Variants in RPL24 observed in about 807,000 individuals in gnomAD.
RPL24 encodes ribosomal protein L24.
A neutral mutation model predicts 26.4 loss-of-function variants in RPL24; 7 were observed. The ratio of observed to expected loss-of-function variants is 0.27; its 90% confidence interval spans 0.15 to 0.50. RPL24 has a LOEUF of 0.50. Among genes scored for constraint, RPL24 ranks in the 20% least tolerant of loss-of-function variants. The pLI, the probability that RPL24 is intolerant of heterozygous loss-of-function variation, is 0.98. For missense variants in RPL24, 109 were observed against 194.9 expected (o/e 0.56, Z 2.62); for synonymous variants, 67 against 65.2 (o/e 1.03, Z -0.13).
chr3:101,686,617 G>A (rs773077250), intron 1 of RPL24, 55 bp downstream of exon 1: 1 of 1,614,046 alleles, frequency 6.2e-7, no homozygotes, highest in Admixed American at 1.7e-5. Context: ...AGGGACGACA[G>A]AGAGGAGTTC....
intron 2 of RPL24, 153 bp from the exon 3 acceptor site, chr3:101,686,081 G>A: frequency 1.7e-6 from 1 of 603,630 alleles, no homozygotes; most frequent in Non-Finnish European, 3.0e-6. Context: ...TCACATAACT[G>A]GCAGGTAACT....
Position 101,684,246 on chromosome 3 carries a change from C to G in RPL24, c.193-1339G>C, listed in dbSNP as rs540718664. 3.9e-5 allele frequency among the ~76,000 whole-genome samples: 6 copies of G among 151,908 alleles called. No individual in the cohort carries two copies. In the East Asian group the frequency reaches 1.2e-3, roughly 30 times the overall value. ...GTGGCACAATCCCAGCTCACTGCAACCCCCCACTTCCTGGGTTCAAGCTAT... is the reference window on the plus strand; with the variant it reads ...GTGGCACAATCCCAGCTCACTGCAAGCCCCCACTTCCTGGGTTCAAGCTAT... On this transcript the variant is annotated intron_variant, in intron 3 of 5. Coordinates refer to ENST00000394077, the MANE Select transcript of RPL24 (RefSeq NM_000986.4).
rs78870356 is a variant in RPL24, at chr3:101,684,778, A to C, written c.192+1040T>G. ...GAGCAACAGAGGACCTGTCTCCCCA[A>C]AAAAAAAAAAAAAAAAAAAAAAAAA... On this transcript the variant is annotated intron_variant, in intron 3 of 5. Coordinates refer to ENST00000394077, the MANE Select transcript of RPL24 (RefSeq NM_000986.4). Among the ~76,000 whole-genome samples the C allele has an allele frequency of 9.7e-3, 184 of 19,024 alleles. 2 individuals are homozygous for C. The highest frequency in any genetic ancestry group is 0.025 in the African/African-American group (145 of 5,792). The allele number at this position is 19,024 out of a possible 152,430, so 12.5% of individuals were successfully genotyped here. A position where few individuals can be genotyped will look rare whatever the true frequency, so the allele number is the denominator to read the frequency against.
rs1280139999 is a variant in RPL24, at chr3:101,682,473, T to C, written c.349A>G (p.Lys117Glu). ...QAIRAAKEAK[K>E]AKQASKKTAM... ...GTCTTTTTAGATGCTTGCTTAGCCT[T>C]TTTTGCTTCCTTAGCAGCCCTGTGG... Residue 117 changes from lysine to glutamate, a missense_variant, in exon 5 of 6, where the codon AAG (lysine) becomes GAG (glutamate). Transcript: ENST00000394077. 1 of 1,614,024 alleles carries C rather than the reference T, an allele frequency of 6.2e-7. No homozygotes were observed. Among genetic ancestry groups the C allele is most frequent in the African/African-American group, 1.3e-5 (1 of 75,050 alleles).
chr3:101,685,727 CTGATT>C lies in RPL24; in HGVS notation c.192+86_192+90del, dbSNP rs527699933. 3.1e-3 allele frequency: 2,058 copies of C among 665,544 alleles called. 29 individuals carry two copies. In the African/African-American group the frequency reaches 0.032, roughly 10 times the overall value. The allele number at this position is 665,544 out of a possible 1,614,324, so 41.2% of individuals were successfully genotyped here. On this transcript the variant is annotated intron_variant, in intron 3 of 5. Transcript: ENST00000394077. The stretch of plus-strand genomic sequence containing the variant: ...GTTTAAGAGCTCTTTCGCATACAGT[CTGATT>C]TAATTTTACAGAGCAGAAAACCAAC...
At chr3:101,683,106 C>A (rs2108338367) in intron 3 of RPL24, among the ~76,000 whole-genome samples, 199 bp from the exon 4 acceptor site, 1 of 152,210 alleles carries the variant, frequency 6.6e-6, no homozygotes, top group South Asian at 2.1e-4. Context: ...CATTTTTTTA[C>A]TACCTTAAAA....
In RPL24 at chr3:101,684,019, T is replaced by C. The variant is rs150358909; in HGVS notation, c.193-1112A>G. Among the ~76,000 whole-genome samples the C allele has an allele frequency of 4.0e-3, 612 of 152,194 alleles. 2 individuals carry two copies. Among genetic ancestry groups the C allele is most frequent in the Non-Finnish European group, 5.5e-3 (372 of 68,006 alleles). Reference sequence around the variant, plus strand: ...GAGCCACCATCCCCAGCCTGTTTTCTATTTTTTTAAGTAGAAACTGGGGTC... The same window carrying C: ...GAGCCACCATCCCCAGCCTGTTTTCCATTTTTTTAAGTAGAAACTGGGGTC... On this transcript the variant is annotated intron_variant, in intron 3 of 5. Transcript: ENST00000394077.
At chr3:101,682,181 G>C (rs887045932) in intron 5 of RPL24, 1 of 438,618 alleles carries the variant, frequency 2.3e-6, no homozygotes, top group Non-Finnish European at 4.2e-6. Context: ...GTGAAACCCT[G>C]TCTCTACTTA....
At chr3:101,683,107 T>C (rs1315104528) in intron 3 of RPL24, among the ~76,000 whole-genome samples, 200 bp from the exon 4 acceptor site, 3 of 152,248 alleles carry the variant, frequency 2.0e-5, no homozygotes, top group Non-Finnish European at 4.4e-5. Flanking sequence ...ATTTTTTTAC[T>C]ACCTTAAAAA....
Position 101,682,386 on chromosome 3 carries a change from T to C in RPL24, c.393+43A>G, listed in dbSNP as rs749343636. On this transcript the variant is annotated intron_variant, in intron 5 of 5. Coordinates refer to ENST00000394077, the MANE Select transcript of RPL24 (RefSeq NM_000986.4). ...ACTCCGTCTCAAAAAAAGAAAATTT[T>C]CCTGTTGTATTGTTCAAGAAAGTAA... 2.0e-6 allele frequency: 3 copies of C among 1,524,868 alleles called. No individual in the cohort carries two copies. The South Asian group carries it at 3.4e-5, about 17-fold the overall frequency. The allele number at this position is 1,524,868 out of a possible 1,614,324, so 94.5% of individuals were successfully genotyped here.
intron 5 of RPL24, chr3:101,681,456 G>C: frequency 2.0e-6 from 1 of 492,636 alleles, no homozygotes; most frequent in Admixed American, 3.6e-5. Flanking sequence ...GTGCAGTGTA[G>C]GATCCTGAAA....
intron 3 of RPL24, among the ~76,000 whole-genome samples, chr3:101,685,115 T>C (rs775073602): frequency 1.3e-5 from 2 of 152,100 alleles, no homozygotes; most frequent in African/African-American, 4.8e-5. Flanking sequence ...AGCTGTTGCA[T>C]ATTTAGCAAT....
chr3:101,686,208 C>G (rs922851636), intron 2 of RPL24: 1 of 577,466 alleles, frequency 1.7e-6, no homozygotes, highest in African/African-American at 1.9e-5. Context: ...TTGTCCGTCC[C>G]AGGATTCCAA....
chr3:101,683,451 A>AT (rs1176990794), intron 3 of RPL24, among the ~76,000 whole-genome samples: 2 of 152,228 alleles, frequency 1.3e-5, no homozygotes, highest in African/African-American at 4.8e-5. Context: ...ATAGTTGTTT[A>AT]TTAAGGCACT....
chr3:101,685,698 TAC>T, intron 3 of RPL24, 118 bp downstream of exon 3: 1 of 547,182 alleles, frequency 1.8e-6, no homozygotes, highest in East Asian at 2.9e-5. Context: ...GCTGACGCTT[TAC>T]AGTTTAAGAG....
chr3:101,684,684 TGGGA>T (rs951733924), intron 3 of RPL24, among the ~76,000 whole-genome samples: 4 of 133,598 alleles, frequency 3.0e-5, no homozygotes, highest in African/African-American at 5.8e-5. Context: ...TAGGCGGAGG[TGGGA>T]GGATCACTTG....
intron 2 of RPL24, 78 bp from the exon 3 acceptor site, chr3:101,686,006 A>T: frequency 3.2e-6 from 3 of 930,136 alleles, no homozygotes; most frequent in Non-Finnish European, 5.3e-6. Flanking sequence ...AATCCTTAGA[A>T]GATCAATATG....
intron 4 of RPL24, 38 bp downstream of exon 4, chr3:101,682,733 C>G: frequency 6.3e-7 from 1 of 1,598,294 alleles, no homozygotes; most frequent in Non-Finnish European, 8.5e-7. Context: ...AAAATCCATC[C>G]GAATAGGTAA....
Position 101,686,680 on chromosome 3 carries a change from G to A in RPL24, c.-4C>T, listed in dbSNP as rs201287752. 3.9e-4 allele frequency: 628 copies of A among 1,614,092 alleles called. 1 individual carries two copies. The highest frequency in any genetic ancestry group is 4.8e-4 in the Non-Finnish European group (566 of 1,180,024). The stretch of plus-strand genomic sequence containing the variant: ...CCACGGGTCGTGCTTACTTCATGGC[G>A]ACAGCTCCACGGAAAGACAAAAGAT... On this transcript the variant is annotated 5_prime_UTR_variant, in exon 1 of 6. Transcript: ENST00000394077.
Sources: gnomAD v4.1 joint callset for allele counts (sites outside exome capture counted in the v4.1 genomes callset) on GRCh38, gnomAD v4.1.1 for gene constraint, MANE v1.5 for transcripts, NCBI Gene and HGNC (gene_info 2026-07-23, HGNC 2026-07-21) for gene names.